Variants in SNX5 observed in about 807,000 individuals in gnomAD.
SNX5 encodes the protein sorting nexin-5.
A neutral mutation model predicts 53.9 loss-of-function variants in SNX5; 31 were observed. The observed-to-expected ratio is 0.58, with a 90% confidence interval of 0.43 to 0.78. The LOEUF (loss-of-function observed/expected upper bound fraction) is 0.78, where lower values mean the gene tolerates loss of function less well. Among genes scored for constraint, SNX5 ranks in the 30% least tolerant of loss-of-function variants. The pLI is 0.00. For synonymous variants in SNX5, 168 were observed against 171.1 expected (o/e 0.98, Z 0.14); for missense variants, 471 against 478.8 (o/e 0.98, Z 0.15).
chr20:17,963,081 A>G, intron 1 of SNX5: 1 of 354,798 alleles, frequency 2.8e-6, no homozygotes, highest in Non-Finnish European at 5.6e-6. Context: ...ATGAATTCAC[A>G]AAGCAAAACA....
chr20:17,965,299 G>C (rs2035519658), intron 1 of SNX5, among the ~76,000 whole-genome samples: 1 of 152,188 alleles, frequency 6.6e-6, no homozygotes, highest in Non-Finnish European at 1.5e-5. Context: ...CAACAAAAGT[G>C]ATCAGGCTAA....
intron 11 of SNX5, among the ~76,000 whole-genome samples, chr20:17,946,690 G>A (rs2039492248): frequency 6.6e-6 from 1 of 152,186 alleles, no homozygotes; most frequent in Non-Finnish European, 1.5e-5. Context: ...GTAACAGCTG[G>A]TTTAGGCAAG....
At chr20:17,954,194 G>C in intron 3 of SNX5, 77 bp from the exon 4 acceptor site, 1 of 1,580,920 alleles carries the variant, frequency 6.3e-7, no homozygotes, top group South Asian at 1.2e-5. Context: ...TTCTACTCTT[G>C]CTGGTCCACA....
At chr20:17,942,685 T>C in intron 12 of SNX5, 1 of 480,812 alleles carries the variant, frequency 2.1e-6, no homozygotes, top group Non-Finnish European at 3.7e-6. Context: ...AATGTGATCC[T>C]GCTTACTGTA....
At chr20:17,948,526 C>G (rs550655810) in intron 10 of SNX5, among the ~76,000 whole-genome samples, 1 of 152,336 alleles carries the variant, frequency 6.6e-6, no homozygotes, top group South Asian at 2.1e-4. Context: ...ATGTTTCATT[C>G]CCAAAGGTTA....
intron 2 of SNX5, among the ~76,000 whole-genome samples, chr20:17,956,673 CAAAAAAAA>C (rs59252584): frequency 5.9e-4 from 50 of 84,876 alleles, no homozygotes; most frequent in African/African-American, 2.1e-3. Flanking sequence ...AGACTGTCTC[CAAAAAAAA>C]AAAAAAAAAA....
At chr20:17,948,307 A>G (rs569560607) in intron 10 of SNX5, among the ~76,000 whole-genome samples, 1 of 152,258 alleles carries the variant, frequency 6.6e-6, no homozygotes, top group Non-Finnish European at 1.5e-5. Flanking sequence ...GTATGTTTTT[A>G]AAAACTCCCA....
In SNX5 at chr20:17,950,113, C is replaced by A; in HGVS notation, c.791+19G>T. On this transcript the variant is annotated intron_variant, in intron 8 of 12. Coordinates refer to ENST00000377759, the MANE Select transcript of SNX5 (RefSeq NM_014426.4). ...CTCTTCAATTGGGTTAGGGGAAATGCTTTTCCAAAAAAACTTACTTTTTGA... is the reference window on the plus strand; with the variant it reads ...CTCTTCAATTGGGTTAGGGGAAATGATTTTCCAAAAAAACTTACTTTTTGA... The A allele has an allele frequency of 1.2e-6, 2 of 1,612,010 alleles. No individual in the cohort carries two copies. The highest frequency in any genetic ancestry group is 2.2e-5 in the South Asian group (2 of 91,018).
intron 1 of SNX5, among the ~76,000 whole-genome samples, chr20:17,965,670 CAAAA>C (rs74179147): frequency 7.2e-5 from 7 of 97,052 alleles, no homozygotes; most frequent in Middle Eastern, 6.2e-3. Flanking sequence ...GACCCTGTCT[CAAAA>C]AAAAAAAAAA....
At position 17,941,827 on chromosome 20, in the gene SNX5, A is replaced by AG. The variant is rs1245043780; in HGVS notation, c.*529dup. ...TCTCGACTAAAAAAAGGAGGTGCAAAGAGTATATAAAGATAAATGAGATTT... is the reference window on the plus strand; with the variant it reads ...TCTCGACTAAAAAAAGGAGGTGCAAAGGAGTATATAAAGATAAATGAGATTT... On this transcript the variant is annotated 3_prime_UTR_variant, in exon 13 of 13. Transcript: ENST00000377759. The AG allele has an allele frequency of 6.6e-6, 1 of 152,500 alleles. No homozygotes were observed. Among genetic ancestry groups the AG allele is most frequent in the Non-Finnish European group, 1.5e-5 (1 of 68,456 alleles). 9.4% of individuals were successfully genotyped at this position (152,500 alleles called of 1,614,324 possible). A position where few individuals can be genotyped will look rare whatever the true frequency, so the allele number is the denominator to read the frequency against.
intron 1 of SNX5, chr20:17,961,334 A>C (rs1158390208): frequency 3.0e-6 from 3 of 985,484 alleles, no homozygotes; most frequent in Middle Eastern, 1.0e-3. Flanking sequence ...TGACTGAACA[A>C]CACAAAAGGC....
At chr20:17,962,621 T>G (rs566801691) in intron 1 of SNX5, 2 of 457,922 alleles carry the variant, frequency 4.4e-6, no homozygotes, top group Non-Finnish European at 8.6e-6. Flanking sequence ...TAAAGACTTC[T>G]AACAGAAGAT....
At chr20:17,945,301 C>T (rs1420780672) in intron 11 of SNX5, 1 of 152,262 alleles carries the variant, frequency 6.6e-6, no homozygotes, top group Non-Finnish European at 1.5e-5. Flanking sequence ...CCCACTGACT[C>T]AACTCTAGTC....
At chr20:17,964,680 T>C (rs1448304158) in intron 1 of SNX5, among the ~76,000 whole-genome samples, 1 of 152,224 alleles carries the variant, frequency 6.6e-6, no homozygotes, top group African/African-American at 2.4e-5. Context: ...CCTTAAATAC[T>C]ATTTAACTTC....
In SNX5 at chr20:17,950,152, T is replaced by C. The variant is rs752501049; in HGVS notation, c.771A>G (p.Glu257=). 7 of 1,614,212 alleles carry C rather than the reference T, an allele frequency of 4.3e-6. No homozygotes were observed. The highest frequency in any genetic ancestry group is 3.3e-5 in the South Asian group (3 of 91,084). ...TAACLHSLAL[E]EPTVIKKYLL... Reference sequence around the variant, plus strand: ...CTTACTTTTTGATGACTGTGGGCTCTTCTAAAGCCAGGCTATGTAAGCAGG... The same window carrying C: ...CTTACTTTTTGATGACTGTGGGCTCCTCTAAAGCCAGGCTATGTAAGCAGG... The change falls in exon 8 of 13, where the codon GAA becomes GAG. Residue 257 remains glutamate (E), a synonymous_variant. Transcript: ENST00000377759.
At chr20:17,954,285 A>G in intron 3 of SNX5, 168 bp from the exon 4 acceptor site, 1 of 1,058,006 alleles carries the variant, frequency 9.5e-7, no homozygotes, top group East Asian at 2.9e-5. Flanking sequence ...TCTTCTGGAC[A>G]TTTAAAATGA....
At chr20:17,964,788 A>T (rs2035511455) in intron 1 of SNX5, among the ~76,000 whole-genome samples, 1 of 152,202 alleles carries the variant, frequency 6.6e-6, no homozygotes, top group African/African-American at 2.4e-5. Context: ...AGACCCTGAT[A>T]ATAAAGACAG....
At chr20:17,957,770 T>C (rs146206239) in intron 1 of SNX5, among the ~76,000 whole-genome samples, 223 of 152,240 alleles carry the variant, frequency 1.5e-3, no homozygotes, top group African/African-American at 5.3e-3. Context: ...TCATGTGGAA[T>C]AGGATCCTGG....
chr20:17,951,312 G>A (rs1023254812), intron 6 of SNX5, 188 bp downstream of exon 6: 14 of 572,052 alleles, frequency 2.4e-5, no homozygotes, highest in Non-Finnish European at 4.1e-5. Context: ...CTTCTCCTGG[G>A]ACAGAACAAG....
Sources: allele counts gnomAD v4.1 joint callset (sites outside exome capture counted in the v4.1 genomes callset), GRCh38; gene constraint gnomAD v4.1.1; transcripts MANE v1.5; gene names NCBI Gene and HGNC (gene_info 2026-07-23, HGNC 2026-07-21).